The following PDE10A variants were observed in gnomAD, a reference collection of about 807,000 sequenced individuals.
PDE10A encodes the protein cAMP and cAMP-inhibited cGMP 3',5'-cyclic phosphodiesterase 10A.
PDE10A carries 39 observed loss-of-function variants against 97.7 expected under a neutral mutation model. That is an observed-to-expected ratio of 0.40 (90% CI 0.31 to 0.52). PDE10A has a LOEUF of 0.52. Ranked by LOEUF, PDE10A falls within the 20% of genes least tolerant of loss-of-function variation. PDE10A has a pLI of 0.56. For synonymous variants in PDE10A, 371 were observed against 376.8 expected (o/e 0.98, Z 0.18); for missense variants, 731 against 1,047.8 (o/e 0.70, Z 4.17).
chr6:165,610,622 C>A (rs1285823245), intron 1 of PDE10A, among the ~76,000 whole-genome samples: 1 of 151,812 alleles, frequency 6.6e-6, no homozygotes, highest in Non-Finnish European at 1.5e-5. Flanking sequence ...ATTGCTTTTG[C>A]TCCCATAAAT....
chr6:165,691,092 TCTCTCTTTCTCTCTCC>T (rs1416832599), intron 1 of PDE10A, among the ~76,000 whole-genome samples: 15 of 38,970 alleles, frequency 3.8e-4, no homozygotes, highest in South Asian at 8.8e-4. Flanking sequence ...TCTCTCTCTC[TCTCTCTTTCTCTCTCC>T]CCCCCCCCAT....
intron 4 of PDE10A, among the ~76,000 whole-genome samples, 168 bp downstream of exon 4, chr6:165,450,074 G>C (rs1040276834): frequency 2.0e-5 from 3 of 152,192 alleles, no homozygotes; most frequent in African/African-American, 2.4e-5. Context: ...TTTTAGGTTT[G>C]ACTCACCTCT....
At chr6:165,568,785 A>G (rs1489958147) in intron 1 of PDE10A, among the ~76,000 whole-genome samples, 1 of 152,256 alleles carries the variant, frequency 6.6e-6, no homozygotes. Flanking sequence ...TGAGCTTGCT[A>G]AGATCTGCTG....
In PDE10A at chr6:165,952,508, A is replaced by C. The variant is rs185353553; in HGVS notation, c.-615+35021T>G. On this transcript the variant is annotated intron_variant, in intron 1 of 19. Coordinates refer to the PDE10A transcript ENST00000366882. ...ACATTTGCAAATTCAATTCTAAAAC[A>C]TGCAGACTCTATTAGTGTTGATTCT... Among the ~76,000 whole-genome samples the C allele has an allele frequency of 1.1e-3, 168 of 152,370 alleles. 2 individuals are homozygous for C. The highest frequency in any genetic ancestry group is 0.011 in the Admixed American group (168 of 15,310).
chr6:165,520,331 A>G (rs1341270607), intron 2 of PDE10A, among the ~76,000 whole-genome samples: 1 of 152,218 alleles, frequency 6.6e-6, no homozygotes, highest in Non-Finnish European at 1.5e-5. Context: ...TACCACCTCT[A>G]CTTTTAAAAA....
rs79405949 is a variant in PDE10A at position 165,820,258 on chromosome 6, C to T, written c.-615+167271G>A. On this transcript the variant is annotated intron_variant, in intron 1 of 19. Coordinates refer to the PDE10A transcript ENST00000366882. The stretch of plus-strand genomic sequence containing the variant: ...TAGAACAAAGGGTGGTTTTTATTTT[C>T]AGTTTTGCTTATTCATATTTCAAAA... Among the ~76,000 whole-genome samples, 7 of 152,286 alleles carry T rather than the reference C, an allele frequency of 4.6e-5. No homozygotes were observed. The East Asian group carries it at 1.3e-3, about 29-fold the overall frequency.
At chr6:165,485,290 A>G (rs1462944107) in intron 2 of PDE10A, among the ~76,000 whole-genome samples, 11 of 151,976 alleles carry the variant, frequency 7.2e-5, no homozygotes. Flanking sequence ...AACACAGTGA[A>G]GCCCCGTCTC....
chr6:165,808,172 C>G (rs1192633139), intron 1 of PDE10A, among the ~76,000 whole-genome samples: 1 of 152,182 alleles, frequency 6.6e-6, no homozygotes, highest in African/African-American at 2.4e-5. Context: ...GGAAAACCTT[C>G]AGAAAGTATT....
At chr6:165,823,985 T>G (rs1420961848) in intron 1 of PDE10A, among the ~76,000 whole-genome samples, 1 of 152,252 alleles carries the variant, frequency 6.6e-6, no homozygotes, top group Non-Finnish European at 1.5e-5. Flanking sequence ...TTTCATTGGT[T>G]TGCCTAGTTT....
At chr6:165,870,428 G>A (rs1470091958) in intron 1 of PDE10A, among the ~76,000 whole-genome samples, 3 of 152,124 alleles carry the variant, frequency 2.0e-5, no homozygotes, top group Admixed American at 6.5e-5. Context: ...CAGTTAGAAT[G>A]GCTACTATCG....
At chr6:165,502,221 G>A (rs1360374575) in intron 2 of PDE10A, among the ~76,000 whole-genome samples, 1 of 152,120 alleles carries the variant, frequency 6.6e-6, no homozygotes, top group Admixed American at 6.5e-5. Context: ...ATTTCCTACA[G>A]TAGACATAAA....
At position 165,330,823 on chromosome 6, in the gene PDE10A, A is replaced by G. The variant is rs955960888; in HGVS notation, c.*2202T>C. On this transcript the variant is annotated 3_prime_UTR_variant, in exon 22 of 22. Coordinates refer to ENST00000539869, the MANE Select transcript of PDE10A (RefSeq NM_001385079.1). ...ATCTTAAATAATATATCCCTTCCTGAAATTCCATCTCCAAGCGAAATGAGA... is the reference window on the plus strand; with the variant it reads ...ATCTTAAATAATATATCCCTTCCTGGAATTCCATCTCCAAGCGAAATGAGA... 6.6e-6 allele frequency: 1 copy of G among 152,170 alleles called. No homozygotes were observed. The highest frequency in any genetic ancestry group is 1.5e-5 in the Non-Finnish European group (1 of 68,014). The allele number at this position is 152,170 out of a possible 1,614,324, so 9.4% of individuals were successfully genotyped here. A position where few individuals can be genotyped will look rare whatever the true frequency, so the allele number is the denominator to read the frequency against.
chr6:165,913,577 C>T (rs371288206), intron 1 of PDE10A, among the ~76,000 whole-genome samples: 8 of 151,884 alleles, frequency 5.3e-5, no homozygotes, highest in South Asian at 4.2e-4. Flanking sequence ...ATTCTCAGTC[C>T]GAGTTTGCTT....
intron 1 of PDE10A, among the ~76,000 whole-genome samples, chr6:165,969,049 A>G (rs565244699): frequency 2.3e-4 from 35 of 152,344 alleles, no homozygotes; most frequent in Admixed American, 8.5e-4. Flanking sequence ...AGTCTTCATC[A>G]TTGTCCTCAT....
In PDE10A at chr6:165,366,551, C is replaced by T. The variant is rs541773822; in HGVS notation, c.2783+12643G>A. On this transcript the variant is annotated intron_variant, in intron 18 of 21. Transcript: ENST00000539869. ...TGGCGTAAGTGGAAGAAGATTTAAA[C>T]GTTGAAAGGCAAGACCACGTTGGGT... 7.9e-5 allele frequency among the ~76,000 whole-genome samples: 12 copies of T among 152,244 alleles called. No individual in the cohort carries two copies. In the East Asian group the frequency reaches 9.7e-4, roughly 12 times the overall value.
intron 2 of PDE10A, among the ~76,000 whole-genome samples, chr6:165,485,345 G>A (rs1016853010): frequency 2.0e-5 from 3 of 151,600 alleles, no homozygotes; most frequent in Admixed American, 1.3e-4. Flanking sequence ...GTACATGCCT[G>A]TAATCCCAGC....
At chr6:165,474,035 T>C (rs1260616670) in intron 3 of PDE10A, among the ~76,000 whole-genome samples, 2 of 152,224 alleles carry the variant, frequency 1.3e-5, no homozygotes, top group Admixed American at 1.3e-4. Flanking sequence ...TGATCACAAC[T>C]AGTCAGACGT....
chr6:165,598,250 T>C (rs1252560496), intron 1 of PDE10A, among the ~76,000 whole-genome samples: 2 of 152,018 alleles, frequency 1.3e-5, no homozygotes, highest in Non-Finnish European at 2.9e-5. Flanking sequence ...ACTTCACTAA[T>C]AGTATTTAAT....
chr6:165,752,252 A>T (rs914029833), intron 1 of PDE10A, among the ~76,000 whole-genome samples: 1 of 152,084 alleles, frequency 6.6e-6, no homozygotes, highest in Non-Finnish European at 1.5e-5. Flanking sequence ...TGCAAGGAAC[A>T]GTATCATCCA....
Sources: gnomAD v4.1 joint callset for allele counts (sites outside exome capture counted in the v4.1 genomes callset) on GRCh38, gnomAD v4.1.1 for gene constraint, MANE v1.5 for transcripts, NCBI Gene and HGNC (gene_info 2026-07-23, HGNC 2026-07-21) for gene names.